VASH1: variants seen among roughly 807,000 people sequenced by gnomAD.
VASH1 encodes the protein vasohibin 1.
A neutral mutation model predicts 35.0 loss-of-function variants in VASH1; 16 were observed. The observed-to-expected ratio is 0.46, with a 90% CI of 0.31 to 0.70. The LOEUF (loss-of-function observed/expected upper bound fraction) is 0.70. VASH1 is among the 30% of genes least tolerant of loss of function. The pLI is 0.05. For synonymous variants in VASH1, 214 were observed against 200.9 expected, an observed-to-expected ratio of 1.07 and a Z score of -0.55; for missense variants, 505 against 510.7, an observed-to-expected ratio of 0.99 and a Z score of 0.11.
At chr14:76,771,334 G>T in intron 3 of VASH1, 88 bp downstream of exon 3, 1 of 1,279,930 alleles carries the variant, frequency 7.8e-7, no homozygotes, top group Non-Finnish European at 1.0e-6. Context: ...GGAAGTTTAT[G>T]GGGCAGTCAG....
intron 1 of VASH1, among the ~76,000 whole-genome samples, chr14:76,769,083 C>T (rs1447496810): frequency 6.6e-6 from 1 of 152,212 alleles, no homozygotes; most frequent in Non-Finnish European, 1.5e-5. Context: ...GGGTCCCATA[C>T]TGGCATAATG....
chr14:76,769,610 C>A, intron 1 of VASH1: 2 of 570,464 alleles, frequency 3.5e-6, no homozygotes, highest in Non-Finnish European at 5.4e-6. Flanking sequence ...CCTAAAATAA[C>A]CCCAATATTA....
In VASH1 at chr14:76,761,824, C is replaced by G. The variant is rs1264896542; in HGVS notation, c.-998C>G. On this transcript the variant is annotated 5_prime_UTR_variant, in exon 1 of 7. Coordinates refer to ENST00000167106, the MANE Select transcript of VASH1 (RefSeq NM_014909.5). ...TCCGCCCGCCCGGGCCGCGCCACCG[C>G]CCATGCTGCAGCCAGTCCCAGGCAG... Among the ~76,000 whole-genome samples the G allele has an allele frequency of 6.6e-6, 1 of 151,786 alleles. No homozygotes were observed. Among genetic ancestry groups the G allele is most frequent in the Non-Finnish European group, 1.5e-5 (1 of 67,896 alleles).
At chr14:76,766,423 T>C (rs567992367) in intron 1 of VASH1, among the ~76,000 whole-genome samples, 3 of 152,188 alleles carry the variant, frequency 2.0e-5, no homozygotes, top group South Asian at 2.1e-4. Context: ...TAGCTACTTA[T>C]TATGACTCCA....
intron 3 of VASH1, among the ~76,000 whole-genome samples, chr14:76,771,854 G>A (rs2242620): frequency 0.12 from 17,817 of 152,190 alleles, 1,173 homozygotes; most frequent in East Asian, 0.27. Flanking sequence ...ATGAAGCCCC[G>A]AGGGCAGAGG....
Position 76,776,035 on chromosome 14 carries a change from A to G in VASH1, c.674A>G (p.Asp225Gly). 1 of 1,612,022 alleles carries G rather than the reference A, an allele frequency of 6.2e-7. No homozygotes were observed. The highest frequency in any genetic ancestry group is 8.5e-7 in the Non-Finnish European group (1 of 1,179,756). Residue 225 changes from aspartate (D) to glycine (G), a missense_variant, in exon 5 of 7, where the codon GAC (aspartate) becomes GGC (glycine). Coordinates refer to ENST00000167106, the MANE Select transcript of VASH1 (RefSeq NM_014909.5). ...GCGCTGGGCATGAGTCGGCGCGAGG[A>G]CCTGATGTACAAGCCGCCCGCCTTC... ...YGALGMSRRE[D>G]LMYKPPAFRT... is the part of the protein sequence containing the mutation.
chr14:76,770,271 A>G (rs1361882382), intron 2 of VASH1, among the ~76,000 whole-genome samples: 1 of 151,890 alleles, frequency 6.6e-6, no homozygotes, highest in Non-Finnish European at 1.5e-5. Flanking sequence ...CCCACTCTGC[A>G]CTCTCTGCCA....
At chr14:76,763,207 C>T in intron 1 of VASH1, 77 bp downstream of exon 1, 4 of 1,310,430 alleles carry the variant, frequency 3.1e-6, no homozygotes, top group Non-Finnish European at 3.9e-6. Flanking sequence ...AAGCCACACT[C>T]TCCTCCCACG....
chr14:76,778,006 G>A lies in VASH1; in HGVS notation c.960G>A (p.Lys320=). ...CCTCTCCCACCAAGGACCGGAAGAA[G>A]GATGTTTCTTCCCCGCAGCGGGCCC... ...GPPSPTKDRK[K]DVSSPQRAQS... is the part of the protein sequence containing the mutation. Residue 320 remains lysine (K), a synonymous_variant, in exon 6 of 7, where the codon AAG becomes AAA. Transcript: ENST00000167106. 1 of 1,549,060 alleles carries A rather than the reference G, an allele frequency of 6.5e-7. No homozygotes were observed. The highest frequency in any genetic ancestry group is 2.6e-5 in the East Asian group (1 of 38,970).
chr14:76,763,044 G>A lies in VASH1; in HGVS notation c.223G>A (p.Glu75Lys). The A allele has an allele frequency of 6.5e-7, 1 of 1,547,370 alleles. No individual in the cohort carries two copies. Among genetic ancestry groups the A allele is most frequent in the Non-Finnish European group, 8.7e-7 (1 of 1,145,096 alleles). The stretch of plus-strand genomic sequence containing the variant: ...GCTACCTGTGGATGAGGCCACCTGG[G>A]AAAGGATGTGGAAACACGTGGCCAA... ...GGLPVDEATW[E>K]RMWKHVAKIH... The change falls in exon 1 of 7, where the codon GAA (glutamate) becomes AAA (lysine). Residue 75 changes from glutamate to lysine, a missense_variant. Physicochemically the swap from Glu to Lys is moderately conservative, Grantham distance 56 (BLOSUM62 1). Transcript: ENST00000167106.
Position 76,778,855 on chromosome 14 carries a change from G to A in VASH1, c.1026-91G>A, listed in dbSNP as rs969442300. 4.6e-6 allele frequency: 6 copies of A among 1,297,006 alleles called. No homozygotes were observed. In the East Asian group the frequency reaches 9.3e-5, roughly 20 times the overall value. 80.3% of individuals were successfully genotyped at this position (1,297,006 alleles called of 1,614,324 possible). On this transcript the variant is annotated intron_variant, in intron 6 of 6. Transcript: ENST00000167106. ...AGGGCCACTTGGAGAATGTGGCGGGGAAGCCACCAGGCAGCCGCTGCTGGC... is the reference window on the plus strand; with the variant it reads ...AGGGCCACTTGGAGAATGTGGCGGGAAAGCCACCAGGCAGCCGCTGCTGGC...
intron 6 of VASH1, 91 bp downstream of exon 6, chr14:76,778,162 C>T: frequency 1.0e-6 from 1 of 958,194 alleles, no homozygotes; most frequent in Non-Finnish European, 1.4e-6. Flanking sequence ...TATCTCTCTC[C>T]CACCCTTCTC....
rs2140196279 is a variant in VASH1 at position 76,782,099 on chromosome 14, G to C, written c.*3081G>C. On this transcript the variant is annotated 3_prime_UTR_variant, in exon 7 of 7. Transcript: ENST00000167106. ...TGATTGCAAAGTCTCCCCAAAGCCT[G>C]GCTCCTCATGCTCAGTGCCAGGGGC... 6.6e-6 allele frequency: 1 copy of C among 152,364 alleles called. No homozygotes were observed. Among genetic ancestry groups the C allele is most frequent in the East Asian group, 1.9e-4 (1 of 5,180 alleles). 9.4% of individuals were successfully genotyped at this position (152,364 alleles called of 1,614,324 possible).
At position 76,776,307 on chromosome 14, in the gene VASH1, T is replaced by C. The variant is rs376795961; in HGVS notation, c.912+34T>C. The C allele has an allele frequency of 2.1e-5, 30 of 1,455,956 alleles. 1 individual carries two copies. Among genetic ancestry groups the C allele is most frequent in the South Asian group, 7.9e-5 (6 of 76,358 alleles). The allele number at this position is 1,455,956 out of a possible 1,614,324, so 90.2% of individuals were successfully genotyped here. ...GCCTTCCACGCCCTCGCCCCCTCCCTCGCCCCCTCCCCCGCCCCAGCAGAG... is the reference window on the plus strand; with the variant it reads ...GCCTTCCACGCCCTCGCCCCCTCCCCCGCCCCCTCCCCCGCCCCAGCAGAG... On this transcript the variant is annotated intron_variant, in intron 5 of 6. Transcript: ENST00000167106.
Position 76,763,199 on chromosome 14 carries a change from G to A in VASH1, c.309+69G>A, listed in dbSNP as rs1893551943. ...TAGTGACCTTGGGGCCAAGAGTGAAGCCACACTCTCCTCCCACGGGGCAGG... is the reference window on the plus strand; with the variant it reads ...TAGTGACCTTGGGGCCAAGAGTGAAACCACACTCTCCTCCCACGGGGCAGG... On this transcript the variant is annotated intron_variant, in intron 1 of 6. Coordinates refer to ENST00000167106, the MANE Select transcript of VASH1 (RefSeq NM_014909.5). The A allele has an allele frequency of 6.8e-6, 9 of 1,329,736 alleles. 1 individual carries two copies. The East Asian group carries it at 2.3e-4, about 35-fold the overall frequency. The allele number at this position is 1,329,736 out of a possible 1,614,324, so 82.4% of individuals were successfully genotyped here. A position where few individuals can be genotyped will look rare whatever the true frequency, so the allele number is the denominator to read the frequency against.
chr14:76,770,626 A>C (rs1893767008), intron 2 of VASH1, among the ~76,000 whole-genome samples: 1 of 151,652 alleles, frequency 6.6e-6, no homozygotes, highest in Non-Finnish European at 1.5e-5. Flanking sequence ...TAGCCCCTGC[A>C]CCCTGCCCCT....
intron 3 of VASH1, among the ~76,000 whole-genome samples, chr14:76,772,421 TTTG>T (rs1893817798): frequency 6.6e-6 from 1 of 152,102 alleles, no homozygotes; most frequent in Non-Finnish European, 1.5e-5. Flanking sequence ...AAGCTTTGCT[TTTG>T]TTGGCCTGTG....
chr14:76,764,510 A>G (rs1359854542), intron 1 of VASH1, among the ~76,000 whole-genome samples: 2 of 152,160 alleles, frequency 1.3e-5, no homozygotes, highest in Non-Finnish European at 2.9e-5. Flanking sequence ...GTCAAAGGAT[A>G]TTGACATTGG....
At chr14:76,766,680 C>T (rs1893650415) in intron 1 of VASH1, among the ~76,000 whole-genome samples, 1 of 152,012 alleles carries the variant, frequency 6.6e-6, no homozygotes, top group African/African-American at 2.4e-5. Flanking sequence ...GGGCTCAAGC[C>T]ATCCTCCCGC....
Sources: allele counts gnomAD v4.1 joint callset (sites outside exome capture counted in the v4.1 genomes callset), GRCh38; gene constraint gnomAD v4.1.1; transcripts MANE v1.5; gene names NCBI Gene and HGNC (gene_info 2026-07-23, HGNC 2026-07-21).